The following BTBD9 variants were observed in gnomAD, a reference collection of about 807,000 sequenced individuals.
BTBD9 encodes BTB domain containing 9.
Under a neutral mutation model 64.3 loss-of-function variants are expected in BTBD9, and 49 were observed. The ratio of observed to expected loss-of-function variants is 0.76; its 90% CI spans 0.61 to 0.97. The LOEUF is 0.97. Ranked by LOEUF, BTBD9 falls within the 50% of genes least tolerant of loss-of-function variation. The pLI is 0.00. For missense variants in BTBD9, 598 were observed against 762.1 expected (o/e 0.78, Z 2.53); for synonymous variants, 260 against 274.7 (o/e 0.95, Z 0.53).
Position 38,341,171 on chromosome 6 carries a change from G to A in BTBD9, c.1264+3813C>T, listed in dbSNP as rs181348523. ...TTTGCCTAATATGGACCTTAACTGAGTTCTGATTTACTCAACCTATAAAAA... is the reference window on the plus strand; with the variant it reads ...TTTGCCTAATATGGACCTTAACTGAATTCTGATTTACTCAACCTATAAAAA... On this transcript the variant is annotated intron_variant, in intron 7 of 10. Transcript: ENST00000481247. Among the ~76,000 whole-genome samples the A allele has an allele frequency of 3.3e-3, 506 of 152,284 alleles. 4 individuals are homozygous for A. The highest frequency in any genetic ancestry group is 0.012 in the African/African-American group (494 of 41,564).
At chr6:38,295,089 G>A (rs978141756) in intron 7 of BTBD9, among the ~76,000 whole-genome samples, 1 of 151,788 alleles carries the variant, frequency 6.6e-6, no homozygotes. Flanking sequence ...CCAAGCTTTT[G>A]TAGGTCAATT....
intron 10 of BTBD9, among the ~76,000 whole-genome samples, chr6:38,177,357 C>A (rs974669430): frequency 6.6e-6 from 1 of 152,248 alleles, no homozygotes; most frequent in South Asian, 2.1e-4. Flanking sequence ...ACCGGCCCCG[C>A]AAGCCTTCAG....
intron 6 of BTBD9, among the ~76,000 whole-genome samples, chr6:38,379,798 AC>A (rs1355721458): frequency 6.6e-6 from 1 of 152,232 alleles, no homozygotes; most frequent in Non-Finnish European, 1.5e-5. Context: ...AGTGAAAATT[AC>A]TTTTACTACA....
In BTBD9 at chr6:38,172,963, C is replaced by A. The variant is rs1291543583; in HGVS notation, c.*2022G>T. On this transcript the variant is annotated 3_prime_UTR_variant, in exon 11 of 11. Transcript: ENST00000481247. ...GCAGGGCCGGGCAGCTCCTCCAGCA[C>A]CCCCACCAGCCCACCCTCTCTTCCC... is the stretch of plus-strand genomic sequence containing the variant. The A allele has an allele frequency of 1.3e-5, 2 of 152,384 alleles. No individual in the cohort carries two copies. The highest frequency in any genetic ancestry group is 2.1e-4 in the South Asian group (1 of 4,838). 9.4% of individuals were successfully genotyped at this position (152,384 alleles called of 1,614,324 possible). A position where few individuals can be genotyped will look rare whatever the true frequency, so the allele number is the denominator to read the frequency against.
chr6:38,406,648 T>C (rs1275235892), intron 6 of BTBD9, among the ~76,000 whole-genome samples: 1 of 152,200 alleles, frequency 6.6e-6, no homozygotes, highest in East Asian at 1.9e-4. Flanking sequence ...AAGAATCACA[T>C]TGGGGAAACT....
intron 6 of BTBD9, among the ~76,000 whole-genome samples, chr6:38,397,953 A>C (rs1042819302): frequency 2.6e-5 from 4 of 152,214 alleles, no homozygotes; most frequent in African/African-American, 9.7e-5. Flanking sequence ...GGAGTGCGGT[A>C]CTATTGGAAT....
At chr6:38,334,391 C>T (rs1208645056) in intron 7 of BTBD9, among the ~76,000 whole-genome samples, 1 of 151,998 alleles carries the variant, frequency 6.6e-6, no homozygotes, top group Admixed American at 6.6e-5. Flanking sequence ...GTGAAACTGT[C>T]TCTACTAAAA....
At chr6:38,400,047 C>A (rs1248359635) in intron 6 of BTBD9, among the ~76,000 whole-genome samples, 1 of 151,986 alleles carries the variant, frequency 6.6e-6, no homozygotes, top group East Asian at 1.9e-4. Flanking sequence ...CAGGTGTGAG[C>A]CACTGTGCCT....
chr6:38,330,894 AAG>A (rs1388462401), intron 7 of BTBD9, among the ~76,000 whole-genome samples: 1 of 152,246 alleles, frequency 6.6e-6, no homozygotes, highest in African/African-American at 2.4e-5. Flanking sequence ...AAATGGAGTA[AAG>A]AGCTAAATGC....
chr6:38,597,273 A>G (rs574672914), intron 2 of BTBD9, among the ~76,000 whole-genome samples: 2 of 152,258 alleles, frequency 1.3e-5, no homozygotes, highest in East Asian at 3.8e-4. Flanking sequence ...AGATAAATCT[A>G]TAACTCTGTG....
intron 6 of BTBD9, among the ~76,000 whole-genome samples, chr6:38,378,873 CAA>C (rs61334171): frequency 7.3e-4 from 81 of 110,218 alleles, no homozygotes; most frequent in East Asian, 4.7e-3. Context: ...GACTCCATCT[CAA>C]AAAAAAAAAA....
At chr6:38,601,192 ATTG>A in intron 1 of BTBD9, among the ~76,000 whole-genome samples, 1 of 152,328 alleles carries the variant, frequency 6.6e-6, no homozygotes, top group South Asian at 2.1e-4. Context: ...TAGACTCTAT[ATTG>A]TTGTAGGTTT....
intron 6 of BTBD9, among the ~76,000 whole-genome samples, chr6:38,573,218 T>A (rs1360366134): frequency 6.6e-6 from 1 of 152,168 alleles, no homozygotes; most frequent in African/African-American, 2.4e-5. Context: ...ACGGTGACAG[T>A]GTCTGCATTG....
At chr6:38,541,813 C>A (rs1158323055) in intron 6 of BTBD9, among the ~76,000 whole-genome samples, 1 of 152,210 alleles carries the variant, frequency 6.6e-6, no homozygotes, top group East Asian at 1.9e-4. Flanking sequence ...TTAGTCAAAG[C>A]TCTGCTTTCT....
chr6:38,290,942 A>G (rs894649380), intron 7 of BTBD9, among the ~76,000 whole-genome samples: 16 of 152,210 alleles, frequency 1.1e-4, no homozygotes, highest in Non-Finnish European at 2.1e-4. Flanking sequence ...AAGTATTTCA[A>G]TGTATGAATA....
chr6:38,410,220 C>T (rs1767356270), intron 6 of BTBD9, among the ~76,000 whole-genome samples: 1 of 152,128 alleles, frequency 6.6e-6, no homozygotes, highest in African/African-American at 2.4e-5. Flanking sequence ...CCTATAATCC[C>T]AGCACTTTGG....
At chr6:38,237,949 G>A (rs1475530862) in intron 9 of BTBD9, among the ~76,000 whole-genome samples, 2 of 152,092 alleles carry the variant, frequency 1.3e-5, no homozygotes, top group Non-Finnish European at 2.9e-5. Flanking sequence ...ACCAGCCTGG[G>A]CAATAAAGAG....
intron 7 of BTBD9, among the ~76,000 whole-genome samples, chr6:38,341,350 A>G (rs1428275233): frequency 6.6e-6 from 1 of 152,050 alleles, no homozygotes; most frequent in Non-Finnish European, 1.5e-5. Flanking sequence ...GATGTGTATA[A>G]TAAAGTATTT....
intron 10 of BTBD9, among the ~76,000 whole-genome samples, chr6:38,191,541 C>T (rs1410782133): frequency 9.8e-5 from 15 of 152,320 alleles, no homozygotes; most frequent in African/African-American, 7.2e-5. Context: ...ACCGCCCTGC[C>T]GGCCAGTGTA....
Sources: gnomAD v4.1 joint callset for allele counts (sites outside exome capture counted in the v4.1 genomes callset) on GRCh38, gnomAD v4.1.1 for gene constraint, MANE v1.5 for transcripts, NCBI Gene and HGNC (gene_info 2026-07-23, HGNC 2026-07-21) for gene names.